The following PARD3B variants were observed in gnomAD, a reference collection of about 807,000 sequenced individuals.
PARD3B encodes partitioning defective 3 homolog B.
Under a neutral mutation model 130.2 loss-of-function variants are expected in PARD3B, and 103 were observed. The observed-to-expected ratio is 0.79, with a 90% CI of 0.67 to 0.93. The LOEUF (loss-of-function observed/expected upper bound fraction) is 0.93, where lower values mean the gene tolerates loss of function less well. Among genes scored for constraint, PARD3B ranks in the 40% least tolerant of loss-of-function variants. PARD3B has a pLI of 0.00. For synonymous variants in PARD3B, 583 were observed against 553.2 expected, an observed-to-expected ratio of 1.05 and a Z score of -0.76; for missense variants, 1,609 against 1,499.2, an observed-to-expected ratio of 1.07 and a Z score of -1.21.
chr2:205,315,286 CTT>C (rs760094257), intron 18 of PARD3B, among the ~76,000 whole-genome samples: 4 of 152,266 alleles, frequency 2.6e-5, no homozygotes, highest in African/African-American at 9.6e-5. Flanking sequence ...AGTTTCCTCT[CTT>C]GTGAAATTGA....
chr2:204,729,275 CT>C (rs2039380619), intron 2 of PARD3B, among the ~76,000 whole-genome samples: 1 of 152,166 alleles, frequency 6.6e-6, no homozygotes, highest in South Asian at 2.1e-4. Context: ...CAAATCTTTT[CT>C]ACATTGATAC....
Position 205,121,344 on chromosome 2 carries a change from G to A in PARD3B, c.807-247G>A, listed in dbSNP as rs541573132. Among the ~76,000 whole-genome samples the A allele has an allele frequency of 1.3e-5, 2 of 152,268 alleles. No individual in the cohort carries two copies. The highest frequency in any genetic ancestry group is 6.5e-5 in the Admixed American group (1 of 15,296). On this transcript the variant is annotated intron_variant, in intron 7 of 22. Coordinates refer to ENST00000406610, the MANE Select transcript of PARD3B (RefSeq NM_001302769.2). The surrounding 1 kb of genome is among the most constrained non-coding windows in gnomAD (Gnocchi z 5.0). Reference sequence around the variant, plus strand: ...GAAATGAAAGCTATTTATACTTACCGAATGTGCTTTCTAAATTAGAGAAGG... The same window carrying A: ...GAAATGAAAGCTATTTATACTTACCAAATGTGCTTTCTAAATTAGAGAAGG...
In PARD3B at chr2:204,868,590, T is replaced by C. The variant is rs113411320; in HGVS notation, c.223-96562T>C. Among the ~76,000 whole-genome samples, 27 of 152,248 alleles carry C rather than the reference T, an allele frequency of 1.8e-4. 2 individuals carry two copies. Among genetic ancestry groups the C allele is most frequent in the African/African-American group, 6.0e-4 (25 of 41,546 alleles). On this transcript the variant is annotated intron_variant, in intron 2 of 22. Transcript: ENST00000406610. Reference sequence around the variant, plus strand: ...GACCGTGAAACCCGGAGAATTTGAGTTTCCTTTTAAATACCCTGATCAAGC... The same window carrying C: ...GACCGTGAAACCCGGAGAATTTGAGCTTCCTTTTAAATACCCTGATCAAGC...
At chr2:204,641,397 A>G (rs1441610553) in intron 1 of PARD3B, among the ~76,000 whole-genome samples, 1 of 152,026 alleles carries the variant, frequency 6.6e-6, no homozygotes. Context: ...CCCGTGAAGG[A>G]CTAGTGGGAT....
chr2:205,531,264 A>G (rs1476222103), intron 21 of PARD3B, among the ~76,000 whole-genome samples: 1 of 152,112 alleles, frequency 6.6e-6, no homozygotes, highest in African/African-American at 2.4e-5. Context: ...AGGAACAAAA[A>G]CACATCATAG....
chr2:204,979,543 AC>A (rs2125203977), intron 3 of PARD3B, among the ~76,000 whole-genome samples: 1 of 152,340 alleles, frequency 6.6e-6, no homozygotes, highest in East Asian at 1.9e-4. Flanking sequence ...GCCACTACTC[AC>A]CAGACAATAT....
rs2044317390 is a variant in PARD3B, at chr2:205,359,630, T to C, written c.2631-41383T>C. 2.0e-5 allele frequency among the ~76,000 whole-genome samples: 3 copies of C among 152,238 alleles called. 1 individual carries two copies. The highest frequency in any genetic ancestry group is 7.2e-5 in the African/African-American group (3 of 41,460). Reference sequence around the variant, plus strand: ...GGATATATCCACAAATAATTAGAGTTGTTTTGTGTAGATATATGTAATTCA... The same window carrying C: ...GGATATATCCACAAATAATTAGAGTCGTTTTGTGTAGATATATGTAATTCA... On this transcript the variant is annotated intron_variant, in intron 18 of 22. Transcript: ENST00000406610.
At chr2:205,222,202 A>G (rs1440663015) in intron 15 of PARD3B, among the ~76,000 whole-genome samples, 1 of 151,850 alleles carries the variant, frequency 6.6e-6, no homozygotes, top group African/African-American at 2.4e-5. Flanking sequence ...AGAAACACAT[A>G]TGCTGTTTCA....
chr2:205,273,472 A>G (rs2040821109), intron 16 of PARD3B, among the ~76,000 whole-genome samples: 1 of 152,220 alleles, frequency 6.6e-6, no homozygotes, highest in South Asian at 2.1e-4. Context: ...CTTTCCCTCT[A>G]ATGACCAGCT....
intron 2 of PARD3B, among the ~76,000 whole-genome samples, chr2:204,745,130 G>A (rs973306024): frequency 6.6e-5 from 10 of 152,106 alleles, no homozygotes; most frequent in Admixed American, 5.2e-4. Flanking sequence ...AAAGATGGAG[G>A]ATAGAAGATG....
At chr2:205,289,758 G>A (rs979332788) in intron 16 of PARD3B, among the ~76,000 whole-genome samples, 5 of 152,152 alleles carry the variant, frequency 3.3e-5, no homozygotes, top group Non-Finnish European at 7.4e-5. Context: ...ATGGGTTATT[G>A]AGGGAGTGAG....
At chr2:205,143,776 G>A (rs938937123) in intron 10 of PARD3B, among the ~76,000 whole-genome samples, 14 of 152,080 alleles carry the variant, frequency 9.2e-5, no homozygotes, top group African/African-American at 3.4e-4. Flanking sequence ...CTGAATCTAG[G>A]CTATGTATTT....
chr2:204,818,648 AAGTTG>A (rs1175893366), intron 2 of PARD3B, among the ~76,000 whole-genome samples: 3 of 152,334 alleles, frequency 2.0e-5, no homozygotes, highest in South Asian at 2.1e-4. Flanking sequence ...TATCAGAATG[AAGTTG>A]AGTTAATAGG....
intron 19 of PARD3B, among the ~76,000 whole-genome samples, chr2:205,419,048 A>G (rs971981473): frequency 3.9e-5 from 6 of 152,180 alleles, no homozygotes; most frequent in African/African-American, 1.4e-4. Flanking sequence ...ATATAGTACT[A>G]TGTAATATAT....
intron 4 of PARD3B, among the ~76,000 whole-genome samples, chr2:205,069,417 T>C (rs1025353509): frequency 1.3e-5 from 2 of 152,148 alleles, no homozygotes; most frequent in Admixed American, 1.3e-4. Context: ...TAGATTAGTC[T>C]AATCTATTTA....
intron 3 of PARD3B, among the ~76,000 whole-genome samples, chr2:205,003,698 T>C (rs1695033197): frequency 6.6e-6 from 1 of 152,232 alleles, no homozygotes; most frequent in African/African-American, 2.4e-5. Flanking sequence ...CTTGCAGAGC[T>C]CAGATTTCTG....
Position 204,942,160 on chromosome 2 carries a change from A to G in PARD3B, c.223-22992A>G, listed in dbSNP as rs146613732. 9.7e-4 allele frequency among the ~76,000 whole-genome samples: 147 copies of G among 152,320 alleles called. 1 individual carries two copies. Among genetic ancestry groups the G allele is most frequent in the African/African-American group, 3.4e-3 (142 of 41,588 alleles). ...AGGATATAGTAATCAAAGCAGTTCT[A>G]TGATGCTTGTTACAAACCAATTGCT... On this transcript the variant is annotated intron_variant, in intron 2 of 22. Transcript: ENST00000406610.
At chr2:205,064,168 A>G (rs1700222389) in intron 4 of PARD3B, among the ~76,000 whole-genome samples, 1 of 152,226 alleles carries the variant, frequency 6.6e-6, no homozygotes, top group African/African-American at 2.4e-5. Context: ...ACAATTTAAA[A>G]TGGTTCAGTG....
At position 204,944,747 on chromosome 2, in the gene PARD3B, G is replaced by A. The variant is rs142247368; in HGVS notation, c.223-20405G>A. On this transcript the variant is annotated intron_variant, in intron 2 of 22. Coordinates refer to ENST00000406610, the MANE Select transcript of PARD3B (RefSeq NM_001302769.2). ...GTTTGCTATTTTGGTTGCCGACGGA[G>A]TGATTTTGTTCTAATTGTACCTGAC... 2.1e-3 allele frequency among the ~76,000 whole-genome samples: 314 copies of A among 152,288 alleles called. 1 individual carries two copies. Among genetic ancestry groups the A allele is most frequent in the Non-Finnish European group, 3.6e-3 (245 of 68,020 alleles).
Sources: gnomAD v4.1 joint callset for allele counts (sites outside exome capture counted in the v4.1 genomes callset) on GRCh38, gnomAD v4.1.1 for gene constraint, Gnocchi (gnomAD v3.1) non-coding constraint, MANE v1.5 for transcripts, NCBI Gene and HGNC (gene_info 2026-07-23, HGNC 2026-07-21) for gene names.